ADCY2: variants seen among roughly 807,000 people sequenced by gnomAD.
ADCY2 encodes adenylate cyclase type 2.
A neutral mutation model predicts 125.2 loss-of-function variants in ADCY2; 31 were observed. The observed-to-expected ratio is 0.25, with a 90% confidence interval of 0.19 to 0.33. The LOEUF is 0.33. Ranked by LOEUF, ADCY2 falls within the 10% of genes least tolerant of loss-of-function variation. ADCY2 has a pLI of 1.00. For synonymous variants in ADCY2, 512 were observed against 548.4 expected (o/e 0.93, Z 0.93); for missense variants, 904 against 1,418.2 (o/e 0.64, Z 5.82).
chr5:7,639,898 C>G (rs1281451775), intron 4 of ADCY2, among the ~76,000 whole-genome samples: 1 of 152,074 alleles, frequency 6.6e-6, no homozygotes, highest in East Asian at 1.9e-4. Flanking sequence ...TTATTTTAGC[C>G]TTATTGTTAT....
chr5:7,757,492 A>C lies in ADCY2; in HGVS notation c.2000A>C (p.Lys667Thr). 1 of 1,614,064 alleles carries C rather than the reference A, an allele frequency of 6.2e-7. No individual in the cohort carries two copies. Among genetic ancestry groups the C allele is most frequent in the Non-Finnish European group, 8.5e-7 (1 of 1,180,006 alleles). The change falls in exon 16 of 25, where the codon AAG becomes ACG. Residue 667 changes from lysine to threonine, a missense_variant. Physicochemically the swap from Lys to Thr is moderately conservative, Grantham distance 78. This residue lies in a region of ADCY2 where 221 missense variants were observed against 246.2 expected (regional missense o/e 0.90). Transcript: ENST00000338316. ...TCTCCCCTGCTCATGTGGCTTTTGA[A>C]GTCCTCGGGCATCATTGCCAACCGC... The part of the protein sequence containing the change: ...KASPLLMWLL[K>T]SSGIIANRPW...
intron 3 of ADCY2, among the ~76,000 whole-genome samples, chr5:7,623,333 T>C (rs1164282352): frequency 6.6e-6 from 1 of 152,234 alleles, no homozygotes; most frequent in Non-Finnish European, 1.5e-5. Flanking sequence ...TAGTATTTTC[T>C]AACTCTGAGC....
chr5:7,759,565 C>T (rs1743129846), intron 16 of ADCY2, among the ~76,000 whole-genome samples: 1 of 152,212 alleles, frequency 6.6e-6, no homozygotes. Flanking sequence ...CGAAGTGGGT[C>T]TCCCCTTCTT....
intron 3 of ADCY2, among the ~76,000 whole-genome samples, chr5:7,567,349 G>A (rs1219045224): frequency 6.8e-6 from 1 of 147,124 alleles, no homozygotes; most frequent in African/African-American, 2.4e-5. Flanking sequence ...TATCTGCAAT[G>A]GATTTTAGCA....
chr5:7,535,443 C>T (rs1440314929), intron 3 of ADCY2, among the ~76,000 whole-genome samples: 1 of 152,206 alleles, frequency 6.6e-6, no homozygotes, highest in Non-Finnish European at 1.5e-5. Flanking sequence ...TAAAAAGCCT[C>T]TAGGTGTCTT....
At chr5:7,521,635 G>C (rs1030343462) in intron 3 of ADCY2, among the ~76,000 whole-genome samples, 21 of 152,192 alleles carry the variant, frequency 1.4e-4, no homozygotes, top group African/African-American at 5.1e-4. Flanking sequence ...AATTGCAGTT[G>C]TGACAACACT....
intron 14 of ADCY2, among the ~76,000 whole-genome samples, chr5:7,729,009 C>A (rs574548247): frequency 1.7e-4 from 26 of 152,240 alleles, no homozygotes; most frequent in African/African-American, 6.3e-4. Flanking sequence ...TATGAGGACC[C>A]ATGGATGTTC....
At chr5:7,417,583 T>G (rs1475292924) in intron 2 of ADCY2, among the ~76,000 whole-genome samples, 1 of 152,240 alleles carries the variant, frequency 6.6e-6, no homozygotes, top group Non-Finnish European at 1.5e-5. Context: ...TCATTGTTAC[T>G]ATTTATAATA....
chr5:7,752,601 G>A (rs1742861374), intron 15 of ADCY2, among the ~76,000 whole-genome samples: 1 of 151,036 alleles, frequency 6.6e-6, no homozygotes, highest in Admixed American at 6.6e-5. Flanking sequence ...TAATGATTAA[G>A]TTAAATTATG....
chr5:7,801,735 C>G (rs1378364511), intron 20 of ADCY2: 1 of 154,982 alleles, frequency 6.5e-6, no homozygotes, highest in East Asian at 1.9e-4. Context: ...CTGAGGAGCT[C>G]TATTGGTTCT....
chr5:7,619,907 A>G (rs1364138317), intron 3 of ADCY2, among the ~76,000 whole-genome samples: 1 of 152,204 alleles, frequency 6.6e-6, no homozygotes, highest in Non-Finnish European at 1.5e-5. Context: ...GAGAAGTACA[A>G]GTTTGGATTT....
rs1741280984 is a variant in ADCY2 at position 7,706,804 on chromosome 5, T to C, written c.1170T>C (p.Asn390=). Residue 390 remains asparagine (N), a synonymous_variant, in exon 8 of 25, where the codon AAT becomes AAC. Coordinates refer to ENST00000338316, the MANE Select transcript of ADCY2 (RefSeq NM_020546.3). ...TGCGCGTGGGCGTGCATTCTGGGAA[T>C]GTCCTGTGTGGCGTGATTGGTCTGC... ...INMRVGVHSG[N]VLCGVIGLQK... 4 of 1,614,220 alleles carry C rather than the reference T, an allele frequency of 2.5e-6. No individual in the cohort carries two copies. Among genetic ancestry groups the C allele is most frequent in the South Asian group, 1.1e-5 (1 of 91,088 alleles).
At chr5:7,641,940 A>G (rs1738725282) in intron 4 of ADCY2, among the ~76,000 whole-genome samples, 1 of 152,114 alleles carries the variant, frequency 6.6e-6, no homozygotes, top group African/African-American at 2.4e-5. Flanking sequence ...GGGCTTTTAG[A>G]TAGATTCCAT....
intron 22 of ADCY2, among the ~76,000 whole-genome samples, chr5:7,808,946 A>G (rs774811326): frequency 9.2e-5 from 14 of 152,226 alleles, no homozygotes; most frequent in Non-Finnish European, 1.9e-4. Flanking sequence ...AAAGAGCATG[A>G]CTATCAAATG....
At chr5:7,762,923 A>G (rs959139201) in intron 16 of ADCY2, among the ~76,000 whole-genome samples, 3 of 152,084 alleles carry the variant, frequency 2.0e-5, no homozygotes, top group Non-Finnish European at 4.4e-5. Context: ...AGAACATTTA[A>G]TTTGCTCTCA....
chr5:7,555,205 G>C (rs936176696), intron 3 of ADCY2, among the ~76,000 whole-genome samples: 2 of 152,158 alleles, frequency 1.3e-5, no homozygotes, highest in African/African-American at 2.4e-5. Context: ...CTCTTCCTTG[G>C]AAAGTTTCAT....
intron 16 of ADCY2, among the ~76,000 whole-genome samples, chr5:7,759,514 G>T (rs111334289): frequency 0.012 from 1,810 of 152,296 alleles, 44 homozygotes; most frequent in African/African-American, 0.041. Flanking sequence ...TCCACCGCTG[G>T]AAGCCCTCCT....
At chr5:7,595,506 T>TA (rs1242320947) in intron 3 of ADCY2, among the ~76,000 whole-genome samples, 1 of 152,214 alleles carries the variant, frequency 6.6e-6, no homozygotes, top group African/African-American at 2.4e-5. Context: ...ACCATCCTGT[T>TA]ATTTTCTTTT....
At chr5:7,775,397 G>A (rs1367921886) in intron 18 of ADCY2, among the ~76,000 whole-genome samples, 2 of 151,480 alleles carry the variant, frequency 1.3e-5, no homozygotes, top group Non-Finnish European at 2.9e-5. Flanking sequence ...AGTTTTGATT[G>A]TTTGTTTGTT....
Sources: gnomAD v4.1 joint callset for allele counts (sites outside exome capture counted in the v4.1 genomes callset) on GRCh38, gnomAD v4.1.1 for gene constraint, gnomAD v4.1.1 regional missense constraint, MANE v1.5 for transcripts, NCBI Gene and HGNC (gene_info 2026-07-23, HGNC 2026-07-21) for gene names.